The following HOOK1 variants were observed in gnomAD, a reference collection of about 807,000 sequenced individuals.
HOOK1 encodes hook microtubule tethering protein 1, also known as protein Hook homolog 1.
HOOK1 carries 60 observed loss-of-function variants against 112.8 expected under a neutral mutation model. The observed-to-expected ratio is 0.53, with a 90% CI of 0.43 to 0.66. HOOK1 has a LOEUF of 0.66. Ranked by LOEUF, HOOK1 falls within the 30% of genes least tolerant of loss-of-function variation. HOOK1 has a pLI of 0.00. For missense variants in HOOK1, 770 were observed against 856.0 expected (o/e 0.90, Z 1.25); for synonymous variants, 294 against 283.8 (o/e 1.04, Z -0.36).
chr1:59,865,791 T>C, intron 18 of HOOK1, 81 bp from the exon 19 acceptor site: 1 of 498,332 alleles, frequency 2.0e-6, no homozygotes, highest in Non-Finnish European at 3.4e-6. Flanking sequence ...ATTATAAATA[T>C]AATTTTATGT....
intron 16 of HOOK1, 78 bp downstream of exon 16, chr1:59,862,955 G>A (rs979562452): frequency 2.4e-5 from 19 of 793,286 alleles, no homozygotes; most frequent in Non-Finnish European, 2.0e-5. Flanking sequence ...AATTAATCTT[G>A]TATTGGAAAG....
intron 21 of HOOK1, among the ~76,000 whole-genome samples, chr1:59,871,660 T>C (rs1317992635): frequency 6.6e-6 from 1 of 152,192 alleles, no homozygotes; most frequent in Non-Finnish European, 1.5e-5. Flanking sequence ...GTAGTATCAG[T>C]AGGATATTTT....
Position 59,862,777 on chromosome 1 carries a change from A to G in HOOK1, c.1533-7A>G. On this transcript the variant is annotated splice_region_variant and splice_polypyrimidine_tract_variant and intron_variant, in intron 15 of 21. Transcript: ENST00000371208. ...CAAGTAAATGCTTATGACCCATCTT[A>G]CAATAGGCTGAGCAAAGAGCGTATT... 6.3e-7 allele frequency: 1 copy of G among 1,587,622 alleles called. No individual in the cohort carries two copies. Among genetic ancestry groups the G allele is most frequent in the Non-Finnish European group, 8.6e-7 (1 of 1,156,268 alleles).
intron 3 of HOOK1, among the ~76,000 whole-genome samples, chr1:59,831,389 G>A (rs2102018223): frequency 6.6e-6 from 1 of 152,244 alleles, no homozygotes; most frequent in East Asian, 1.9e-4. Context: ...TCTGGCTAGT[G>A]AGAATTTCAA....
intron 2 of HOOK1, among the ~76,000 whole-genome samples, chr1:59,828,527 TCA>T (rs886803692): frequency 2.6e-5 from 4 of 152,180 alleles, no homozygotes; most frequent in Admixed American, 6.5e-5. Context: ...TTTTACCTCT[TCA>T]CGGTTGTGAC....
intron 2 of HOOK1, among the ~76,000 whole-genome samples, chr1:59,823,566 A>G (rs997697285): frequency 2.6e-5 from 4 of 152,156 alleles, no homozygotes; most frequent in African/African-American, 7.2e-5. Context: ...GCATTCACTC[A>G]TTTCAACAGT....
chr1:59,868,362 T>C lies in HOOK1; in HGVS notation c.1947+11T>C. 2.1e-6 allele frequency: 3 copies of C among 1,401,710 alleles called. No homozygotes were observed. Among genetic ancestry groups the C allele is most frequent in the African/African-American group, 1.4e-5 (1 of 70,450 alleles). The allele number at this position is 1,401,710 out of a possible 1,614,324, so 86.8% of individuals were successfully genotyped here. A position where few individuals can be genotyped will look rare whatever the true frequency, so the allele number is the denominator to read the frequency against. On this transcript the variant is annotated intron_variant, in intron 20 of 21. Transcript: ENST00000371208. Reference sequence around the variant, plus strand: ...ATTGAGATTCTGGAGGTAAAACTTTTATATTTACTCATCTTTTAGTTATTT... The same window carrying C: ...ATTGAGATTCTGGAGGTAAAACTTTCATATTTACTCATCTTTTAGTTATTT...
chr1:59,860,294 C>A lies in HOOK1; in HGVS notation c.1498C>A (p.His500Asn). 2 of 1,607,840 alleles carry A rather than the reference C, an allele frequency of 1.2e-6. No individual in the cohort carries two copies. Among genetic ancestry groups the A allele is most frequent in the East Asian group, 2.2e-5 (1 of 44,528 alleles). ...EELQEQLEQK[H>N]RKMNELETEQ... ...ACTTCAGGAGCAGCTAGAACAGAAA[C>A]ACCGTAAAATGAATGAACTGGAAAC... Residue 500 changes from histidine to asparagine, a missense_variant, in exon 15 of 22, where the codon CAC (histidine) becomes AAC (asparagine). His to Asn is a moderately conservative substitution (Grantham distance 68). Transcript: ENST00000371208.
Position 59,876,156 on chromosome 1 carries a change from G to A in HOOK1, c.*3191G>A, listed in dbSNP as rs371295389. The A allele has an allele frequency of 4.6e-5, 7 of 152,606 alleles. No homozygotes were observed. The East Asian group carries it at 1.2e-3, about 25-fold the overall frequency. 9.5% of individuals were successfully genotyped at this position (152,606 alleles called of 1,614,324 possible). On this transcript the variant is annotated 3_prime_UTR_variant, in exon 22 of 22. Transcript: ENST00000371208. ...TTTGTAAAGCACAAACCATAAAAGA[G>A]TGTGGAGTTATTAAATGATGTAGCA...
rs905245800 is a variant in HOOK1, at chr1:59,814,950, T to G, written c.-168T>G. The G allele has an allele frequency of 1.6e-6, 1 of 633,484 alleles. No individual in the cohort carries two copies. Among genetic ancestry groups the G allele is most frequent in the Non-Finnish European group, 2.7e-6 (1 of 373,044 alleles). 39.2% of individuals were successfully genotyped at this position (633,484 alleles called of 1,614,324 possible). A position where few individuals can be genotyped will look rare whatever the true frequency, so the allele number is the denominator to read the frequency against. On this transcript the variant is annotated 5_prime_UTR_variant, in exon 1 of 22. Transcript: ENST00000371208. ...GAGGCGGGGGCGGGTGAGGAGGGGG[T>G]GACGCCGGACGCGTCGACAGCGCGA...
chr1:59,839,351 G>T (rs1397041514), intron 7 of HOOK1, among the ~76,000 whole-genome samples: 1 of 152,138 alleles, frequency 6.6e-6, no homozygotes, highest in African/African-American at 2.4e-5. Flanking sequence ...TCCTCCATTT[G>T]TTTGTGTCCT....
chr1:59,862,211 T>C (rs1457899105), intron 15 of HOOK1, among the ~76,000 whole-genome samples: 1 of 152,158 alleles, frequency 6.6e-6, no homozygotes, highest in African/African-American at 2.4e-5. Context: ...TGTGTATGTG[T>C]GGATACACAT....
At chr1:59,841,412 G>A (rs2102032937) in intron 8 of HOOK1, among the ~76,000 whole-genome samples, 1 of 152,186 alleles carries the variant, frequency 6.6e-6, no homozygotes, top group Non-Finnish European at 1.5e-5. Context: ...TAAGCATTTG[G>A]AAATAAAGAA....
intron 18 of HOOK1, among the ~76,000 whole-genome samples, 170 bp from the exon 19 acceptor site, chr1:59,865,702 C>T (rs1223238856): frequency 6.6e-6 from 1 of 151,892 alleles, no homozygotes; most frequent in African/African-American, 2.4e-5. Context: ...GGTTGTATTT[C>T]AAAACTTTTA....
chr1:59,840,761 TC>T (rs910057440), intron 8 of HOOK1, among the ~76,000 whole-genome samples: 3 of 151,888 alleles, frequency 2.0e-5, no homozygotes, highest in South Asian at 2.1e-4. Context: ...ACCTGACACT[TC>T]CCCCCCAGTA....
Position 59,873,013 on chromosome 1 carries a change from T to A in HOOK1, c.*48T>A. 7.5e-7 allele frequency: 1 copy of A among 1,328,632 alleles called. No individual in the cohort carries two copies. The allele number at this position is 1,328,632 out of a possible 1,614,324, so 82.3% of individuals were successfully genotyped here. A position where few individuals can be genotyped will look rare whatever the true frequency, so the allele number is the denominator to read the frequency against. On this transcript the variant is annotated 3_prime_UTR_variant, in exon 22 of 22. Transcript: ENST00000371208. ...ACAAAAAAACCACATAAAATAGAAG[T>A]GTCCTTAAAATATTTTGTACCTTTC...
intron 16 of HOOK1, 31 bp from the exon 17 acceptor site, chr1:59,864,601 A>G (rs1643924973): frequency 7.0e-7 from 1 of 1,432,212 alleles, no homozygotes; most frequent in Admixed American, 1.8e-5. Context: ...CAAGATAGTC[A>G]TCTTACAGCA....
At chr1:59,870,378 C>G (rs1644037800) in intron 20 of HOOK1, among the ~76,000 whole-genome samples, 1 of 152,242 alleles carries the variant, frequency 6.6e-6, no homozygotes, top group African/African-American at 2.4e-5. Flanking sequence ...TGCCATCCCT[C>G]TGGGAATTCT....
In HOOK1 at chr1:59,873,344, T is replaced by G. The variant is rs1226201102; in HGVS notation, c.*379T>G. 6.4e-6 allele frequency: 1 copy of G among 155,202 alleles called. No individual in the cohort carries two copies. The highest frequency in any genetic ancestry group is 2.4e-5 in the African/African-American group (1 of 41,610). 9.6% of individuals were successfully genotyped at this position (155,202 alleles called of 1,614,324 possible). A position where few individuals can be genotyped will look rare whatever the true frequency, so the allele number is the denominator to read the frequency against. The stretch of plus-strand genomic sequence containing the variant: ...GTAATACTTAATCTTAGAACATTAA[T>G]TGGATTTGTTTAATCTTTTTTTGTT... On this transcript the variant is annotated 3_prime_UTR_variant, in exon 22 of 22. Coordinates refer to ENST00000371208, the MANE Select transcript of HOOK1 (RefSeq NM_015888.6).
Sources: allele counts gnomAD v4.1 joint callset (sites outside exome capture counted in the v4.1 genomes callset), GRCh38; gene constraint gnomAD v4.1.1; transcripts MANE v1.5; gene names NCBI Gene and HGNC (gene_info 2026-07-23, HGNC 2026-07-21).